LRRC59: variants seen among roughly 807,000 people sequenced by gnomAD.
The protein encoded by LRRC59 is leucine-rich repeat-containing protein 59.
Under a neutral mutation model 33.5 loss-of-function variants are expected in LRRC59, and 18 were observed. The observed-to-expected ratio is 0.54, with a 90% confidence interval of 0.37 to 0.80. The LOEUF (loss-of-function observed/expected upper bound fraction) is 0.80, where lower values mean the gene tolerates loss of function less well. LRRC59 is among the 30% of genes least tolerant of loss of function. LRRC59 has a pLI of 0.00. For missense variants in LRRC59, 330 were observed against 391.9 expected, an observed-to-expected ratio of 0.84 and a Z score of 1.33; for synonymous variants, 138 against 160.0, an observed-to-expected ratio of 0.86 and a Z score of 1.04.
At chr17:50,383,306 G>C in intron 6 of LRRC59, 71 bp from the exon 7 acceptor site, 1 of 1,495,146 alleles carries the variant, frequency 6.7e-7, no homozygotes, top group Non-Finnish European at 9.0e-7. Context: ...ATCTCTGCTA[G>C]TCTCCTCCGT....
chr17:50,392,648 G>A (rs1461630193), intron 3 of LRRC59, 91 bp downstream of exon 3: 3 of 1,546,618 alleles, frequency 1.9e-6, no homozygotes, highest in African/African-American at 1.4e-5. Context: ...CAACAAGGGG[G>A]TATTTCTGTC....
Position 50,382,698 on chromosome 17 carries a change from A to T in LRRC59, c.*290T>A. On this transcript the variant is annotated 3_prime_UTR_variant, in exon 7 of 7. Transcript: ENST00000225972. The stretch of plus-strand genomic sequence containing the variant: ...TTGCCTTTACACAGCTTTATATAAC[A>T]ACTAGAAAAGGCTATGTTTTCTCTC... 1 of 439,664 alleles carries T rather than the reference A, an allele frequency of 2.3e-6. No individual in the cohort carries two copies. The highest frequency in any genetic ancestry group is 4.1e-6 in the Non-Finnish European group (1 of 242,514). 27.2% of individuals were successfully genotyped at this position (439,664 alleles called of 1,614,324 possible).
chr17:50,389,527 A>C (rs1914091131), intron 4 of LRRC59, among the ~76,000 whole-genome samples: 1 of 152,208 alleles, frequency 6.6e-6, no homozygotes, highest in Non-Finnish European at 1.5e-5. Flanking sequence ...TGCCTTGTAT[A>C]ATCTCTGGCA....
At chr17:50,392,986 T>G (rs1019983225) in intron 2 of LRRC59, 89 bp from the exon 3 acceptor site, 1 of 1,291,876 alleles carries the variant, frequency 7.7e-7, no homozygotes, top group Non-Finnish European at 1.1e-6. Flanking sequence ...ATTTGTAACC[T>G]TTCTTAAAAC....
chr17:50,392,525 A>G, intron 3 of LRRC59, 23 bp from the exon 4 acceptor site: 1 of 1,588,850 alleles, frequency 6.3e-7, no homozygotes, highest in Non-Finnish European at 8.6e-7. Context: ...GCGATGGGCA[A>G]AGAGGCTCAT....
Position 50,392,937 on chromosome 17 carries a change from C to A in LRRC59, c.166-40G>T, listed in dbSNP as rs765757710. 10 of 1,583,586 alleles carry A rather than the reference C, an allele frequency of 6.3e-6. 1 individual carries two copies. In the South Asian group the frequency reaches 1.0e-4, roughly 16 times the overall value. On this transcript the variant is annotated intron_variant, in intron 2 of 6. Transcript: ENST00000225972. ...GAGAACCTAAGCTAGGCTTGTCCAACACACGAGCCACGACAGCTTTAAATG... is the reference window on the plus strand; with the variant it reads ...GAGAACCTAAGCTAGGCTTGTCCAAAACACGAGCCACGACAGCTTTAAATG...
intron 5 of LRRC59, among the ~76,000 whole-genome samples, chr17:50,386,682 CCA>C (rs1914012261): frequency 6.6e-6 from 1 of 152,128 alleles, no homozygotes; most frequent in South Asian, 2.1e-4. Flanking sequence ...GTATGTCTTG[CCA>C]CAGTGGCCAT....
Position 50,397,323 on chromosome 17 carries a change from C to T in LRRC59, c.-6G>A, listed in dbSNP as rs746307265. 5 of 1,601,854 alleles carry T rather than the reference C, an allele frequency of 3.1e-6. No homozygotes were observed. Among genetic ancestry groups the T allele is most frequent in the Non-Finnish European group, 4.3e-6 (5 of 1,174,938 alleles). ...TTGCTACCGGCCTTGGTCATGGTAA[C>T]GCCGGCTGAGCGGGCCCCGGCTCCG... On this transcript the variant is annotated 5_prime_UTR_variant, in exon 1 of 7. Coordinates refer to ENST00000225972, the MANE Select transcript of LRRC59 (RefSeq NM_018509.4).
chr17:50,381,691 T>C lies in LRRC59; in HGVS notation c.*1297A>G, dbSNP rs1431690165. The C allele has an allele frequency of 6.6e-6, 1 of 152,664 alleles. No individual in the cohort carries two copies. The highest frequency in any genetic ancestry group is 1.5e-5 in the Non-Finnish European group (1 of 68,040). 9.5% of individuals were successfully genotyped at this position (152,664 alleles called of 1,614,324 possible). A position where few individuals can be genotyped will look rare whatever the true frequency, so the allele number is the denominator to read the frequency against. The stretch of plus-strand genomic sequence containing the variant: ...AGCCAAGGAGCTTGCAACTGGGAGT[T>C]TGCAGTGAATGAGCACCATGACACA... On this transcript the variant is annotated 3_prime_UTR_variant, in exon 7 of 7. Transcript: ENST00000225972.
chr17:50,385,234 A>G lies in LRRC59; in HGVS notation c.560T>C (p.Leu187Pro). The G allele has an allele frequency of 6.2e-7, 1 of 1,614,110 alleles. No individual in the cohort carries two copies. The highest frequency in any genetic ancestry group is 8.5e-7 in the Non-Finnish European group (1 of 1,180,034). ...QRAKEAQERE[L>P]RKREKAEEKE... is the part of the protein sequence containing the mutation. Reference sequence around the variant, plus strand: ...CTCTTCCGCCTTCTCCCGCTTCCGCAGTTCCCGCTCCTGAGCTTCCTTAGC... The same window carrying G: ...CTCTTCCGCCTTCTCCCGCTTCCGCGGTTCCCGCTCCTGAGCTTCCTTAGC... The change falls in exon 6 of 7, where the codon CTG (leucine) becomes CCG (proline). Residue 187 changes from leucine to proline, a missense_variant. By Grantham distance (98) the Leu-to-Pro change is moderately conservative (BLOSUM62 -3). Transcript: ENST00000225972.
At position 50,381,765 on chromosome 17, in the gene LRRC59, G is replaced by A. The variant is rs936491702; in HGVS notation, c.*1223C>T. On this transcript the variant is annotated 3_prime_UTR_variant, in exon 7 of 7. Transcript: ENST00000225972. ...GCTGTTGTGAAAAGATGAAGCAAAG[G>A]AGGCAAGAAAATGCTTAATTTAGCA... 5.9e-5 allele frequency: 9 copies of A among 152,664 alleles called. No homozygotes were observed. Among genetic ancestry groups the A allele is most frequent in the Admixed American group, 2.6e-4 (4 of 15,284 alleles). The allele number at this position is 152,664 out of a possible 1,614,324, so 9.5% of individuals were successfully genotyped here.
intron 1 of LRRC59, 113 bp from the exon 2 acceptor site, chr17:50,395,101 TA>T (rs2143376020): frequency 1.5e-6 from 1 of 686,052 alleles, no homozygotes; most frequent in South Asian, 1.8e-5. Flanking sequence ...AAAGGCCTTT[TA>T]AAATGGCAGT....
intron 2 of LRRC59, 49 bp from the exon 3 acceptor site, chr17:50,392,946 C>T: frequency 1.3e-6 from 2 of 1,558,270 alleles, no homozygotes; most frequent in Non-Finnish European, 1.8e-6. Context: ...ACACACGAGC[C>T]ACGACAGCTT....
intron 4 of LRRC59, among the ~76,000 whole-genome samples, chr17:50,390,097 C>CAAAAAA (rs57027679): frequency 2.2e-4 from 19 of 85,268 alleles, no homozygotes; most frequent in African/African-American, 5.8e-4. Flanking sequence ...GACTCTGTCT[C>CAAAAAA]AAAAAAAAAA....
chr17:50,391,539 T>G (rs979813194), intron 4 of LRRC59, among the ~76,000 whole-genome samples: 1 of 152,116 alleles, frequency 6.6e-6, no homozygotes, highest in Non-Finnish European at 1.5e-5. Flanking sequence ...GTGACTATAG[T>G]TGGAGTTATT....
chr17:50,394,849 C>G (rs148245371), intron 2 of LRRC59, 80 bp downstream of exon 2: 3 of 1,071,880 alleles, frequency 2.8e-6, no homozygotes, highest in Non-Finnish European at 4.2e-6. Flanking sequence ...GACACCCTCC[C>G]ACCCCCCTCT....
intron 3 of LRRC59, 105 bp downstream of exon 3, chr17:50,392,634 G>GGACC: frequency 6.6e-7 from 1 of 1,519,430 alleles, no homozygotes; most frequent in East Asian, 2.3e-5. Flanking sequence ...ATCTGAGGCA[G>GGACC]GACCAACAAG....
At chr17:50,395,141 A>G (rs1914240389) in intron 1 of LRRC59, among the ~76,000 whole-genome samples, 153 bp from the exon 2 acceptor site, 1 of 152,204 alleles carries the variant, frequency 6.6e-6, no homozygotes, top group African/African-American at 2.4e-5. Flanking sequence ...GAATAAGAGG[A>G]AAAATAAGCC....
At chr17:50,384,318 A>C (rs1300380997) in intron 6 of LRRC59, among the ~76,000 whole-genome samples, 60 of 152,002 alleles carry the variant, frequency 3.9e-4, no homozygotes, top group Non-Finnish European at 2.9e-5. Context: ...GTGCCACTAC[A>C]CTTGGCTAAT....
Sources: allele counts gnomAD v4.1 joint callset (sites outside exome capture counted in the v4.1 genomes callset), GRCh38; gene constraint gnomAD v4.1.1; transcripts MANE v1.5; gene names NCBI Gene and HGNC (gene_info 2026-07-23, HGNC 2026-07-21).